The following RBFOX1 variants were observed in gnomAD, a reference collection of about 807,000 sequenced individuals.
RBFOX1 encodes the protein RNA binding protein fox-1 homolog 1.
RBFOX1 carries 8 observed loss-of-function variants against 57.7 expected under a neutral mutation model. The observed-to-expected ratio is 0.14, with a 90% CI of 0.08 to 0.25. The LOEUF is 0.25. RBFOX1 is among the 10% of genes least tolerant of loss of function. RBFOX1 has a pLI of 1.00. For missense variants in RBFOX1, 611 were observed against 548.5 expected (o/e 1.11, Z -1.14); for synonymous variants, 326 against 222.4 (o/e 1.47, Z -4.15).
intron 4 of RBFOX1, among the ~76,000 whole-genome samples, chr16:7,184,431 C>T (rs979166552): frequency 2.6e-5 from 4 of 152,208 alleles, no homozygotes; most frequent in Non-Finnish European, 5.9e-5. Context: ...TATCCACAAA[C>T]ACCTCATGAC....
Position 5,436,619 on chromosome 16 carries a change from C to G in RBFOX1, c.220-30597C>G, listed in dbSNP as rs370072085. 4.2e-4 allele frequency among the ~76,000 whole-genome samples: 64 copies of G among 152,254 alleles called. 1 individual carries two copies. The South Asian group carries it at 0.013, about 31-fold the overall frequency. Reference sequence around the variant, plus strand: ...AGTTTGGGAGGCTGAGGGTGGGTCACTTCAGGTCAGGAGTTTGAGACCAGT... The same window carrying G: ...AGTTTGGGAGGCTGAGGGTGGGTCAGTTCAGGTCAGGAGTTTGAGACCAGT... On this transcript the variant is annotated intron_variant, in intron 1 of 2. Coordinates refer to the RBFOX1 transcript ENST00000585867.
chr16:7,273,241 CCTTCCTTCCTT>C (rs1444612907), intron 4 of RBFOX1, among the ~76,000 whole-genome samples: 1 of 143,192 alleles, frequency 7.0e-6, no homozygotes, highest in African/African-American at 2.6e-5. Flanking sequence ...TTCCTTCCTT[CCTTCCTTCCTT>C]CCTTCCTTCC....
At chr16:6,473,465 C>G (rs1443644534) in intron 2 of RBFOX1, among the ~76,000 whole-genome samples, 1 of 152,066 alleles carries the variant, frequency 6.6e-6, no homozygotes, top group South Asian at 2.1e-4. Context: ...CCAACAGTTG[C>G]AAAAATCTGT....
intron 4 of RBFOX1, among the ~76,000 whole-genome samples, chr16:7,246,482 T>G (rs944769665): frequency 6.6e-6 from 1 of 152,184 alleles, no homozygotes; most frequent in Admixed American, 6.5e-5. Context: ...GCTTTCAGGC[T>G]CTGCATTATC....
Position 6,637,096 on chromosome 16 carries a change from AAT to A in RBFOX1, c.-63-17498_-63-17497del, listed in dbSNP as rs1400482547. Among the ~76,000 whole-genome samples the A allele has an allele frequency of 1.5e-4, 6 of 40,632 alleles. 1 individual carries two copies. The highest frequency in any genetic ancestry group is 2.0e-3 in the East Asian group (2 of 1,006). The allele number at this position is 40,632 out of a possible 152,430, so 26.7% of individuals were successfully genotyped here. A position where few individuals can be genotyped will look rare whatever the true frequency, so the allele number is the denominator to read the frequency against. ...TGTTTAATATATATAATACATATTA[AAT>A]ATATATATTATATAATATATAAATT... On this transcript the variant is annotated intron_variant, in intron 2 of 15. Transcript: ENST00000550418.
At chr16:7,231,760 G>A (rs76666213) in intron 4 of RBFOX1, among the ~76,000 whole-genome samples, 69 of 152,240 alleles carry the variant, frequency 4.5e-4, no homozygotes, top group African/African-American at 1.6e-3. Context: ...CAACGTGGAT[G>A]GACCTCAAAA....
At chr16:5,815,706 ATCT>A (rs1214342210) in intron 3 of RBFOX1, among the ~76,000 whole-genome samples, 1 of 152,162 alleles carries the variant, frequency 6.6e-6, no homozygotes, top group Non-Finnish European at 1.5e-5. Context: ...TTAAAAATTA[ATCT>A]TCTTGTAAAA....
At chr16:5,956,517 A>C (rs1370343719) in intron 4 of RBFOX1, among the ~76,000 whole-genome samples, 1 of 151,460 alleles carries the variant, frequency 6.6e-6, no homozygotes, top group Non-Finnish European at 1.5e-5. Flanking sequence ...AATGCAAATC[A>C]CTGGGCTTCC....
At chr16:7,152,068 G>T (rs1255222395) in intron 4 of RBFOX1, among the ~76,000 whole-genome samples, 2 of 152,150 alleles carry the variant, frequency 1.3e-5, no homozygotes, top group African/African-American at 4.8e-5. Context: ...ATTGTTGACA[G>T]TCCCTGTATT....
chr16:5,951,284 C>A (rs922788608), intron 4 of RBFOX1, among the ~76,000 whole-genome samples: 1 of 152,058 alleles, frequency 6.6e-6, no homozygotes, highest in African/African-American at 2.4e-5. Context: ...CCTGTCTTTA[C>A]TAAAAATACA....
intron 1 of RBFOX1, among the ~76,000 whole-genome samples, chr16:5,376,976 A>G (rs2066001716): frequency 6.6e-6 from 1 of 150,558 alleles, no homozygotes; most frequent in African/African-American, 2.5e-5. Flanking sequence ...TCTCTTCTGC[A>G]CTCAGGGGCT....
chr16:5,636,429 A>G (rs558957989), intron 3 of RBFOX1, among the ~76,000 whole-genome samples: 4 of 152,308 alleles, frequency 2.6e-5, no homozygotes, highest in Middle Eastern at 3.4e-3. Context: ...ATTGCAGTGT[A>G]TCAGAAATAA....
chr16:5,915,895 G>A (rs1484328240), intron 4 of RBFOX1, among the ~76,000 whole-genome samples: 3 of 152,106 alleles, frequency 2.0e-5, no homozygotes, highest in Admixed American at 6.5e-5. Flanking sequence ...CTTAAAAAAT[G>A]TCATATTAAA....
At chr16:7,654,397 G>C (rs1568305480) in intron 12 of RBFOX1, among the ~76,000 whole-genome samples, 1 of 152,132 alleles carries the variant, frequency 6.6e-6, no homozygotes, top group Non-Finnish European at 1.5e-5. Flanking sequence ...GGCTTCAAGG[G>C]TCACGAACCT....
At chr16:7,567,291 T>A (rs55966440) in intron 5 of RBFOX1, among the ~76,000 whole-genome samples, 1 of 28,804 alleles carries the variant, frequency 3.5e-5, no homozygotes, top group Admixed American at 3.3e-4. Context: ...CTATATATCC[T>A]TATATATGGC....
chr16:7,705,774 G>C lies in RBFOX1; in HGVS notation c.996-3282G>C, dbSNP rs182419755. Among the ~76,000 whole-genome samples, 497 of 152,270 alleles carry C rather than the reference G, an allele frequency of 3.3e-3. 2 individuals are homozygous for C. The highest frequency in any genetic ancestry group is 0.012 in the African/African-American group (481 of 41,552). ...GTTGAAAAAATGAGACAAGATTTAT[G>C]GCTGTTGAGTTGGTGTTGATGAACT... On this transcript the variant is annotated intron_variant, in intron 14 of 15. Transcript: ENST00000550418.
intron 9 of RBFOX1, among the ~76,000 whole-genome samples, chr16:7,597,899 C>T (rs903191392): frequency 6.6e-6 from 1 of 152,118 alleles, no homozygotes; most frequent in African/African-American, 2.4e-5. Context: ...TGTCTGAATT[C>T]CACAGGGTTA....
chr16:6,525,400 T>G (rs1191205770), intron 2 of RBFOX1, among the ~76,000 whole-genome samples: 1 of 152,172 alleles, frequency 6.6e-6, no homozygotes, highest in Non-Finnish European at 1.5e-5. Context: ...CCATGAAGCA[T>G]TGGTAGGACC....
chr16:6,803,013 CT>C (rs2085861597), intron 3 of RBFOX1, among the ~76,000 whole-genome samples: 1 of 152,144 alleles, frequency 6.6e-6, no homozygotes, highest in African/African-American at 2.4e-5. Context: ...TTTTAGCTGC[CT>C]TGCTACTAGG....
Sources: gnomAD v4.1 joint callset for allele counts (sites outside exome capture counted in the v4.1 genomes callset) on GRCh38, gnomAD v4.1.1 for gene constraint, MANE v1.5 for transcripts, NCBI Gene and HGNC (gene_info 2026-07-23, HGNC 2026-07-21) for gene names.